The following NDUFAF1 variants were observed in gnomAD, a reference collection of about 807,000 sequenced individuals.
NDUFAF1 encodes the protein NADH:ubiquinone oxidoreductase complex assembly factor 1.
A neutral mutation model predicts 28.7 loss-of-function variants in NDUFAF1; 18 were observed. The observed-to-expected ratio is 0.63, with a 90% CI of 0.43 to 0.93. The LOEUF (loss-of-function observed/expected upper bound fraction) is 0.93, where lower values mean the gene tolerates loss of function less well. Among genes scored for constraint, NDUFAF1 ranks in the 40% least tolerant of loss-of-function variants. The probability of loss-of-function intolerance (pLI) is 0.00; values close to 1 mark genes in which losing one functional copy is unlikely to be tolerated. For missense variants in NDUFAF1, 404 were observed against 398.3 expected (o/e 1.01, Z -0.12); for synonymous variants, 113 against 139.7 (o/e 0.81, Z 1.35).
In NDUFAF1 at chr15:41,393,711, G is replaced by C. The variant is rs113338074; in HGVS notation, c.759+1148C>G. Among the ~76,000 whole-genome samples, 745 of 151,692 alleles carry C rather than the reference G, an allele frequency of 4.9e-3. 4 individuals carry two copies. Among genetic ancestry groups the C allele is most frequent in the African/African-American group, 0.017 (717 of 41,330 alleles). On this transcript the variant is annotated intron_variant, in intron 3 of 4. Transcript: ENST00000260361. Reference sequence around the variant, plus strand: ...TTCTCCTGCCTCAGCCTTCTGAGTAGCTGGGACGACGCCACCACACCCAAC... The same window carrying C: ...TTCTCCTGCCTCAGCCTTCTGAGTACCTGGGACGACGCCACCACACCCAAC...
chr15:41,399,128 C>T (rs771913144), intron 1 of NDUFAF1, among the ~76,000 whole-genome samples: 6 of 151,974 alleles, frequency 3.9e-5, no homozygotes, highest in South Asian at 2.1e-4. Flanking sequence ...TGGCCTGGCA[C>T]GGTGGCTCAT....
chr15:41,395,519 A>G (rs746069888), intron 2 of NDUFAF1, among the ~76,000 whole-genome samples: 1 of 150,954 alleles, frequency 6.6e-6, no homozygotes, highest in Non-Finnish European at 1.5e-5. Context: ...ATAGGCGCCC[A>G]AAACCACACC....
intron 3 of NDUFAF1, among the ~76,000 whole-genome samples, chr15:41,391,333 T>G (rs1441008257): frequency 6.6e-6 from 1 of 151,894 alleles, no homozygotes; most frequent in African/African-American, 2.4e-5. Context: ...ATTTACAGAA[T>G]TTAGGGCCAG....
chr15:41,394,610 A>G (rs552906176), intron 3 of NDUFAF1, among the ~76,000 whole-genome samples: 1 of 137,034 alleles, frequency 7.3e-6, no homozygotes, highest in South Asian at 2.3e-4. Context: ...TGTAACAATC[A>G]TCTCCAAGAC....
In NDUFAF1 at chr15:41,388,467, T is replaced by C; in HGVS notation, c.815A>G (p.His272Arg). Residue 272 changes from histidine to arginine, a missense_variant, in exon 4 of 5, where the codon CAT (histidine) becomes CGT (arginine). Coordinates refer to ENST00000260361, the MANE Select transcript of NDUFAF1 (RefSeq NM_016013.4). The stretch of plus-strand genomic sequence containing the variant: ...TGTTACCTTATCAAGCGGAAGCTCA[T>C]GCTGAACATCCCGGATTCTTCCTCG... ...SNRGRIRDVQ[H>R]ELPLDKISSI... 5 of 1,612,718 alleles carry C rather than the reference T, an allele frequency of 3.1e-6. No homozygotes were observed. In the South Asian group the frequency reaches 4.4e-5, roughly 14 times the overall value.
rs534238039 is a variant in NDUFAF1 at position 41,391,607 on chromosome 15, T to TAAA, written c.760-3088_760-3086dup. ...GGGCAGTAAGAGTGAGACTCCATCT[T>TAAA]AAAAAAAAAAAAAAAAAGAATTTAT... On this transcript the variant is annotated intron_variant, in intron 3 of 4. Transcript: ENST00000260361. 2.6e-3 allele frequency among the ~76,000 whole-genome samples: 332 copies of TAAA among 127,848 alleles called. 2 individuals are homozygous for TAAA. Among genetic ancestry groups the TAAA allele is most frequent in the African/African-American group, 8.9e-3 (300 of 33,878 alleles). The allele number at this position is 127,848 out of a possible 152,430, so 83.9% of individuals were successfully genotyped here.
chr15:41,402,607 TGAGGTTTTTG>T (rs373459135), upstream of NDUFAF1: 559 of 206,642 alleles, frequency 2.7e-3, 4 homozygotes, highest in Admixed American at 3.8e-3. Context: ...CCCAGCCAAC[TGAGGTTTTTG>T]GAGGTTTTTG....
chr15:41,397,251 T>C (rs1235171276), intron 1 of NDUFAF1, 111 bp from the exon 2 acceptor site: 4 of 458,258 alleles, frequency 8.7e-6, no homozygotes, highest in African/African-American at 7.9e-5. Context: ...TTGTTTACTA[T>C]TATTATTATT....
rs1446006622 is a variant in NDUFAF1 at position 41,400,001 on chromosome 15, A to G, written c.-82+2143T>C. Among the ~76,000 whole-genome samples, 3 of 152,000 alleles carry G rather than the reference A, an allele frequency of 2.0e-5. No individual in the cohort carries two copies. In the East Asian group the frequency reaches 5.8e-4, roughly 29 times the overall value. On this transcript the variant is annotated intron_variant, in intron 1 of 4. Coordinates refer to ENST00000260361, the MANE Select transcript of NDUFAF1 (RefSeq NM_016013.4). The stretch of plus-strand genomic sequence containing the variant: ...CTTGAACCCAGGAGTGGGACGCTGC[A>G]GTGAGCCAAGATCAAGCCACTGCAC...
At chr15:41,393,370 G>A (rs2050339359) in intron 3 of NDUFAF1, among the ~76,000 whole-genome samples, 1 of 140,592 alleles carries the variant, frequency 7.1e-6, no homozygotes, top group Non-Finnish European at 1.5e-5. Context: ...TGCAAGCTCT[G>A]CCTCCCGGGT....
rs748574378 is a variant in NDUFAF1, at chr15:41,396,954, A to C, written c.106T>G (p.Ser36Ala). The change falls in exon 2 of 5, where the codon TCC becomes GCC. Residue 36 changes from serine (S) to alanine (A), a missense_variant. Transcript: ENST00000260361. ...PFLGIRFAEY[S>A]SSLQKPVASP... ...GCCACTGGTTTCTGAAGACTACTGGAATACTCTGCAAAGCGAATACCCAAA... is the reference window on the plus strand; with the variant it reads ...GCCACTGGTTTCTGAAGACTACTGGCATACTCTGCAAAGCGAATACCCAAA... 18 of 1,612,984 alleles carry C rather than the reference A, an allele frequency of 1.1e-5. 1 individual carries two copies. In the South Asian group the frequency reaches 2.0e-4, roughly 18 times the overall value.
chr15:41,395,433 A>G (rs1415604056), intron 2 of NDUFAF1, among the ~76,000 whole-genome samples: 1 of 148,936 alleles, frequency 6.7e-6, no homozygotes, highest in Non-Finnish European at 1.5e-5. Context: ...GCAGTGGTGC[A>G]ATCTCAGCTC....
chr15:41,396,837 C>G lies in NDUFAF1; in HGVS notation c.223G>C (p.Glu75Gln). The G allele has an allele frequency of 6.2e-7, 1 of 1,614,150 alleles. No homozygotes were observed. The highest frequency in any genetic ancestry group is 8.5e-7 in the Non-Finnish European group (1 of 1,180,044). Residue 75 changes from glutamate to glutamine, a missense_variant, in exon 2 of 5, where the codon GAG becomes CAG. Coordinates refer to ENST00000260361, the MANE Select transcript of NDUFAF1 (RefSeq NM_016013.4). The stretch of plus-strand genomic sequence containing the variant: ...TCGAAACTAACATCAGGCTTCTCCT[C>G]AGAAGAAGTTATATCCAAAGCAACT... ...KEVALDITSS[E>Q]EKPDVSFDKA...
At position 41,395,000 on chromosome 15, in the gene NDUFAF1, A is replaced by G; in HGVS notation, c.618T>C (p.Asn206=). The G allele has an allele frequency of 6.2e-7, 1 of 1,614,192 alleles. No homozygotes were observed. Among genetic ancestry groups the G allele is most frequent in the Non-Finnish European group, 8.5e-7 (1 of 1,180,032 alleles). The change falls in exon 3 of 5, where the codon AAT becomes AAC. Residue 206 remains asparagine, a synonymous_variant. Coordinates refer to ENST00000260361, the MANE Select transcript of NDUFAF1 (RefSeq NM_016013.4). ...RKMSYDWSQF[N]TLYLRVRGDG... Reference sequence around the variant, plus strand: ...CCCCACGTACACGGAGATACAGAGTATTGAACTGGGACCAATCGTAAGACA... The same window carrying G: ...CCCCACGTACACGGAGATACAGAGTGTTGAACTGGGACCAATCGTAAGACA...
upstream of NDUFAF1, among the ~76,000 whole-genome samples, chr15:41,402,728 CTT>C (rs557825524): frequency 8.9e-4 from 108 of 120,874 alleles, no homozygotes; most frequent in African/African-American, 3.2e-3. Flanking sequence ...ATCCCTGCGT[CTT>C]TTTTTTTTTT....
rs180730324 is a variant in NDUFAF1, at chr15:41,397,065, A to C, written c.-6T>G. ...AATTTGTGAACCAAAGCCATGGTACAAAAAAATCAAAATGTAAGTTTCTTC... is the reference window on the plus strand; with the variant it reads ...AATTTGTGAACCAAAGCCATGGTACCAAAAAATCAAAATGTAAGTTTCTTC... On this transcript the variant is annotated 5_prime_UTR_variant, in exon 2 of 5. Transcript: ENST00000260361. The C allele has an allele frequency of 4.8e-3, 7,770 of 1,611,530 alleles. 23 individuals are homozygous for C. Among genetic ancestry groups the C allele is most frequent in the Non-Finnish European group, 5.5e-3 (6,519 of 1,178,712 alleles).
At chr15:41,396,139 C>T (rs2050383829) in intron 2 of NDUFAF1, among the ~76,000 whole-genome samples, 1 of 151,832 alleles carries the variant, frequency 6.6e-6, no homozygotes, top group African/African-American at 2.4e-5. Context: ...TCTACAAAAC[C>T]CCTGGTCATT....
At chr15:41,393,103 T>C (rs1441640549) in intron 3 of NDUFAF1, among the ~76,000 whole-genome samples, 3 of 148,558 alleles carry the variant, frequency 2.0e-5, no homozygotes, top group Non-Finnish European at 3.0e-5. Flanking sequence ...ATGAGCAAAA[T>C]GGGGACTTTC....
chr15:41,399,750 G>C (rs868223024), intron 1 of NDUFAF1, among the ~76,000 whole-genome samples: 2 of 150,008 alleles, frequency 1.3e-5, no homozygotes, highest in African/African-American at 2.4e-5. Flanking sequence ...CAGCTACTCG[G>C]GAGGCTGAGG....
Sources: gnomAD v4.1 joint callset for allele counts (sites outside exome capture counted in the v4.1 genomes callset) on GRCh38, gnomAD v4.1.1 for gene constraint, MANE v1.5 for transcripts, NCBI Gene and HGNC (gene_info 2026-07-23, HGNC 2026-07-21) for gene names.